The following TRIP13 variants were observed in gnomAD, a reference collection of about 807,000 sequenced individuals.
The protein encoded by TRIP13 is thyroid hormone receptor interactor 13, also known as pachytene checkpoint protein 2 homolog.
In TRIP13, 25 loss-of-function variants were observed where a neutral mutation model predicts 54.4. The ratio of observed to expected loss-of-function variants is 0.46; its 90% CI spans 0.33 to 0.64. The LOEUF is 0.64. Ranked by LOEUF, TRIP13 falls within the 30% of genes least tolerant of loss-of-function variation. The pLI, the probability that TRIP13 is intolerant of heterozygous loss-of-function variation, is 0.02. For synonymous variants in TRIP13, 207 were observed against 207.8 expected (o/e 1.00, Z 0.03); for missense variants, 373 against 534.2 (o/e 0.70, Z 2.97).
In TRIP13 at chr5:892,898, G is replaced by A; in HGVS notation, c.-101G>A. On this transcript the variant is annotated 5_prime_UTR_variant, in exon 1 of 13. Transcript: ENST00000166345. The stretch of plus-strand genomic sequence containing the variant: ...CCTCGCGCGGCAGATTCGAAGCTAG[G>A]GCGGGGCCCGCGGGCTGAGGCAGCG... The A allele has an allele frequency of 8.1e-7, 1 of 1,230,722 alleles. No individual in the cohort carries two copies. The highest frequency in any genetic ancestry group is 1.1e-6 in the Non-Finnish European group (1 of 933,520). 76.2% of individuals were successfully genotyped at this position (1,230,722 alleles called of 1,614,324 possible).
chr5:907,124 T>C lies in TRIP13; in HGVS notation c.609-6T>C, dbSNP rs994049323. 6.2e-7 allele frequency: 1 copy of C among 1,613,950 alleles called. No homozygotes were observed. The highest frequency in any genetic ancestry group is 1.3e-5 in the African/African-American group (1 of 75,050). ...TAATTCTCTCAACTCCTTTTTTCTA[T>C]CTCAGGTACCGATATGGCCAATTAA... On this transcript the variant is annotated splice_polypyrimidine_tract_variant and splice_region_variant and intron_variant, in intron 6 of 12. Coordinates refer to ENST00000166345, the MANE Select transcript of TRIP13 (RefSeq NM_004237.4). This position sits in a 1 kb window ranked among gnomAD's most constrained non-coding sequence, Gnocchi z 4.1.
chr5:914,811 G>A (rs982686110), intron 11 of TRIP13, among the ~76,000 whole-genome samples: 2 of 149,658 alleles, frequency 1.3e-5, no homozygotes, highest in African/African-American at 2.5e-5. Context: ...CAGGGAGGGC[G>A]CTGGCTCACA....
At chr5:902,005 T>C (rs1040713489) in intron 5 of TRIP13, among the ~76,000 whole-genome samples, 9 of 152,178 alleles carry the variant, frequency 5.9e-5, no homozygotes, top group Middle Eastern at 3.2e-3. Flanking sequence ...GCCCCAAACG[T>C]GGATAATACT....
chr5:907,721 A>C lies in TRIP13; in HGVS notation c.673-267A>C, dbSNP rs2150687962. ...GAGGACACACAGGTAAAGCAGAGGT[A>C]CAGGTCACCCTCACTGTGCCGCCCC... is the stretch of plus-strand genomic sequence containing the variant. On this transcript the variant is annotated intron_variant, in intron 7 of 12. Coordinates refer to ENST00000166345, the MANE Select transcript of TRIP13 (RefSeq NM_004237.4). The surrounding 1 kb of genome is among the most constrained non-coding windows in gnomAD (Gnocchi z 4.1). Among the ~76,000 whole-genome samples, 1 of 152,350 alleles carries C rather than the reference A, an allele frequency of 6.6e-6. No homozygotes were observed. The highest frequency in any genetic ancestry group is 1.5e-5 in the Non-Finnish European group (1 of 68,028).
rs1295451837 is a variant in TRIP13, at chr5:893,081, G to A, written c.83G>A (p.Arg28His). 6.3e-7 allele frequency: 1 copy of A among 1,594,344 alleles called. No individual in the cohort carries two copies. The highest frequency in any genetic ancestry group is 8.5e-7 in the Non-Finnish European group (1 of 1,175,806). ...ACGGTCCACGTGGAGGTGCATCAGC[G>A]CGGCAGCAGGTGAGCCGGACCTGTC... ...SPTVHVEVHQ[R>H]GSSTAKKEDI... Residue 28 changes from arginine to histidine, a missense_variant, in exon 1 of 13, where the codon CGC becomes CAC. Coordinates refer to ENST00000166345, the MANE Select transcript of TRIP13 (RefSeq NM_004237.4).
chr5:900,210 G>A (rs1032326388), intron 3 of TRIP13, among the ~76,000 whole-genome samples: 11 of 152,220 alleles, frequency 7.2e-5, no homozygotes, highest in African/African-American at 2.7e-4. Flanking sequence ...TTTTTTAAAA[G>A]ACAATTGTGC....
chr5:903,935 G>A (rs926929243), intron 5 of TRIP13, among the ~76,000 whole-genome samples: 1 of 152,162 alleles, frequency 6.6e-6, no homozygotes, highest in African/African-American at 2.4e-5. Flanking sequence ...CCAGAAATAC[G>A]AAGTTGAGTA....
In TRIP13 at chr5:907,921, G is replaced by C. The variant is rs949849552; in HGVS notation, c.673-67G>C. Reference sequence around the variant, plus strand: ...ACAACTGGGGCAGCAGGCCACATCAGGGTCCCCCTGTGCACCTGGCAGTGT... The same window carrying C: ...ACAACTGGGGCAGCAGGCCACATCACGGTCCCCCTGTGCACCTGGCAGTGT... On this transcript the variant is annotated intron_variant, in intron 7 of 12. Transcript: ENST00000166345. The surrounding 1 kb of genome is among the most constrained non-coding windows in gnomAD (Gnocchi z 4.1). 4 of 1,544,814 alleles carry C rather than the reference G, an allele frequency of 2.6e-6. No homozygotes were observed. In the African/African-American group the frequency reaches 4.1e-5, roughly 16 times the overall value.
chr5:902,302 T>G (rs897051880), intron 5 of TRIP13, among the ~76,000 whole-genome samples: 1 of 152,196 alleles, frequency 6.6e-6, no homozygotes, highest in African/African-American at 2.4e-5. Context: ...TGAAGGGTAC[T>G]TGGCTTCTTT....
chr5:900,604 C>A (rs916081671), intron 4 of TRIP13, 55 bp downstream of exon 4: 1 of 1,586,928 alleles, frequency 6.3e-7, no homozygotes, highest in Admixed American at 1.8e-5. Context: ...GGAACCATTA[C>A]TGTTTTGCTC....
chr5:893,197 C>G, intron 1 of TRIP13, 107 bp downstream of exon 1: 1 of 1,157,214 alleles, frequency 8.6e-7, no homozygotes, highest in Non-Finnish European at 1.2e-6. Context: ...GACCGAACCC[C>G]AGGGTACTGA....
Position 904,230 on chromosome 5 carries a change from G to T in TRIP13, c.608+10G>T. ...TTAGACTTTCAAGCAGGTAACTTTC[G>T]GTAATCTGTGAGAGGAGAGCCATGG... On this transcript the variant is annotated intron_variant, in intron 6 of 12. Transcript: ENST00000166345. 1 of 1,604,256 alleles carries T rather than the reference G, an allele frequency of 6.2e-7. No individual in the cohort carries two copies. The highest frequency in any genetic ancestry group is 1.1e-5 in the South Asian group (1 of 88,576).
chr5:905,887 C>T (rs901716509), intron 6 of TRIP13, among the ~76,000 whole-genome samples: 1 of 152,242 alleles, frequency 6.6e-6, no homozygotes, highest in African/African-American at 2.4e-5. Context: ...TTGCCCTTTG[C>T]TTTGACATAT....
At position 893,035 on chromosome 5, in the gene TRIP13, C is replaced by T. The variant is rs1204065607; in HGVS notation, c.37C>T (p.Pro13Ser). Residue 13 changes from proline to serine, a missense_variant, in exon 1 of 13, where the codon CCC (proline) becomes TCC (serine). This residue lies in a region of TRIP13 where 151 missense variants were observed against 151.9 expected (regional missense o/e 0.99). Coordinates refer to ENST00000166345, the MANE Select transcript of TRIP13 (RefSeq NM_004237.4). The stretch of plus-strand genomic sequence containing the variant: ...CGTGGGCGACCTGAAGCAGGCGCTT[C>T]CCTGTGTGGCCGAGTCGCCAACGGT... ...EAVGDLKQAL[P>S]CVAESPTVHV... The T allele has an allele frequency of 6.3e-7, 1 of 1,596,476 alleles. No homozygotes were observed. Among genetic ancestry groups the T allele is most frequent in the Non-Finnish European group, 8.5e-7 (1 of 1,175,374 alleles).
chr5:903,466 C>A (rs1409458457), intron 5 of TRIP13, among the ~76,000 whole-genome samples: 1 of 151,976 alleles, frequency 6.6e-6, no homozygotes, highest in Non-Finnish European at 1.5e-5. Flanking sequence ...CATATATAAT[C>A]ATATCTAAGA....
In TRIP13 at chr5:894,844, T is replaced by C. The variant is rs1753881350; in HGVS notation, c.150T>C (p.Asn50=). The change falls in exon 2 of 13, where the codon AAT becomes AAC. Residue 50 remains asparagine (N), a synonymous_variant. Coordinates refer to ENST00000166345, the MANE Select transcript of TRIP13 (RefSeq NM_004237.4). ...TTAGAAAGCTACTCAACAGACATAA[T>C]ATTGTGTTTGGTGATTACACATGGA... ...LSVRKLLNRH[N]IVFGDYTWTE... is the part of the protein sequence containing the mutation. 20 of 1,613,884 alleles carry C rather than the reference T, an allele frequency of 1.2e-5. No individual in the cohort carries two copies. Among genetic ancestry groups the C allele is most frequent in the Non-Finnish European group, 1.4e-5 (17 of 1,179,962 alleles).
chr5:894,378 C>T (rs761204812), intron 1 of TRIP13, among the ~76,000 whole-genome samples: 4 of 152,218 alleles, frequency 2.6e-5, no homozygotes, highest in African/African-American at 4.8e-5. Flanking sequence ...GCACGAATCA[C>T]GGCTATTGGA....
At chr5:896,339 CA>C (rs1252472834) in intron 2 of TRIP13, among the ~76,000 whole-genome samples, 1 of 151,926 alleles carries the variant, frequency 6.6e-6, no homozygotes, top group Non-Finnish European at 1.5e-5. Flanking sequence ...TAAAAAAAAA[CA>C]AAAAACCTTA....
intron 4 of TRIP13, among the ~76,000 whole-genome samples, chr5:900,862 C>G (rs1308470355): frequency 6.6e-6 from 1 of 152,130 alleles, no homozygotes; most frequent in Non-Finnish European, 1.5e-5. Flanking sequence ...TGTCTTAACC[C>G]CTGCACCCTC....
Sources: gnomAD v4.1 joint callset for allele counts (sites outside exome capture counted in the v4.1 genomes callset) on GRCh38, gnomAD v4.1.1 for gene constraint, gnomAD v4.1.1 regional missense constraint, Gnocchi (gnomAD v3.1) non-coding constraint, MANE v1.5 for transcripts, NCBI Gene and HGNC (gene_info 2026-07-23, HGNC 2026-07-21) for gene names.